The following FEM1B variants were observed in gnomAD, a reference collection of about 807,000 sequenced individuals.
The protein encoded by FEM1B is protein fem-1 homolog B.
A neutral mutation model predicts 38.6 loss-of-function variants in FEM1B; 10 were observed. That is an observed-to-expected ratio of 0.26 (90% CI 0.16 to 0.44). The LOEUF (loss-of-function observed/expected upper bound fraction) is 0.44, where lower values mean the gene tolerates loss of function less well. Among genes scored for constraint, FEM1B ranks in the 20% least tolerant of loss-of-function variants. FEM1B has a pLI of 1.00. For missense variants in FEM1B, 471 were observed against 786.7 expected, an observed-to-expected ratio of 0.60 and a Z score of 4.80; for synonymous variants, 288 against 288.0, an observed-to-expected ratio of 1.00 and a Z score of 0.00.
intron 1 of FEM1B, among the ~76,000 whole-genome samples, chr15:68,286,447 G>C (rs1892788323): frequency 6.6e-6 from 1 of 151,440 alleles, no homozygotes; most frequent in African/African-American, 2.4e-5. Context: ...CCTGATCATG[G>C]CTCATTGTAG....
chr15:68,287,367 G>A (rs1381160167), intron 1 of FEM1B, among the ~76,000 whole-genome samples: 1 of 152,166 alleles, frequency 6.6e-6, no homozygotes, highest in East Asian at 1.9e-4. Context: ...CCATGTGGCT[G>A]CTACCCAGAT....
At position 68,288,663 on chromosome 15, in the gene FEM1B, A is replaced by G. The variant is rs1030921528; in HGVS notation, c.249-944A>G. ...TAAGTATGAAGCCACAAGTCCAGTC[A>G]TGTCAGAGAAGATATCTGCTTGGTT... On this transcript the variant is annotated intron_variant, in intron 1 of 1. Coordinates refer to ENST00000306917, the MANE Select transcript of FEM1B (RefSeq NM_015322.5). This position sits in a 1 kb window ranked among gnomAD's most constrained non-coding sequence, Gnocchi z 4.6. Among the ~76,000 whole-genome samples the G allele has an allele frequency of 6.6e-6, 1 of 152,240 alleles. No individual in the cohort carries two copies. Among genetic ancestry groups the G allele is most frequent in the Non-Finnish European group, 1.5e-5 (1 of 68,036 alleles).
rs1268098527 is a variant in FEM1B, at chr15:68,284,778, A to G, written c.249-4829A>G. Among the ~76,000 whole-genome samples, 1 of 152,062 alleles carries G rather than the reference A, an allele frequency of 6.6e-6. No individual in the cohort carries two copies. Among genetic ancestry groups the G allele is most frequent in the Non-Finnish European group, 1.5e-5 (1 of 68,022 alleles). ...TGAATTCCCACGTGTTGTGGGAGGG[A>G]CCTGGTGGGAGGCAACTGAATCATG... On this transcript the variant is annotated intron_variant, in intron 1 of 1. Coordinates refer to ENST00000306917, the MANE Select transcript of FEM1B (RefSeq NM_015322.5). This position sits in a 1 kb window ranked among gnomAD's most constrained non-coding sequence, Gnocchi z 4.4.
Position 68,289,910 on chromosome 15 carries a change from A to T in FEM1B, c.552A>T (p.Ala184=). The change falls in exon 2 of 2, where the codon GCA becomes GCT. Residue 184 remains alanine (A), a synonymous_variant. Transcript: ENST00000306917. The surrounding 1 kb of genome is among the most constrained non-coding windows in gnomAD (Gnocchi z 6.9). Reference sequence around the variant, plus strand: ...AACGTGCTGATCCCAATGCCAAAGCACATTGTGGAGCCACAGCATTGCACT... The same window carrying T: ...AACGTGCTGATCCCAATGCCAAAGCTCATTGTGGAGCCACAGCATTGCACT... ...LEQRADPNAK[A]HCGATALHFA... is the part of the protein sequence containing the mutation. 6.2e-7 allele frequency: 1 copy of T among 1,614,058 alleles called. No individual in the cohort carries two copies. Among genetic ancestry groups the T allele is most frequent in the Non-Finnish European group, 8.5e-7 (1 of 1,179,948 alleles).
In FEM1B at chr15:68,291,846, T is replaced by TAA. The variant is rs1295568742; in HGVS notation, c.*606_*607dup. ...TAATTTAATAATAGTTACAAATTTA[T>TAA]AAATTTAAATCCATTTGAAATTGTT... On this transcript the variant is annotated 3_prime_UTR_variant, in exon 2 of 2. Coordinates refer to ENST00000306917, the MANE Select transcript of FEM1B (RefSeq NM_015322.5). This position sits in a 1 kb window ranked among gnomAD's most constrained non-coding sequence, Gnocchi z 6.9. 2.0e-5 allele frequency: 3 copies of TAA among 152,268 alleles called. No homozygotes were observed. Among genetic ancestry groups the TAA allele is most frequent in the African/African-American group, 7.2e-5 (3 of 41,472 alleles). 9.4% of individuals were successfully genotyped at this position (152,268 alleles called of 1,614,324 possible).
intron 1 of FEM1B, among the ~76,000 whole-genome samples, chr15:68,286,058 G>GT (rs1011712049): frequency 1.3e-5 from 2 of 148,172 alleles, no homozygotes; most frequent in Non-Finnish European, 3.0e-5. Context: ...TCTAATTTTT[G>GT]TATGTACTGT....
At chr15:68,282,159 T>C (rs1892735738) in intron 1 of FEM1B, among the ~76,000 whole-genome samples, 1 of 152,154 alleles carries the variant, frequency 6.6e-6, no homozygotes, top group South Asian at 2.1e-4. Flanking sequence ...GTCTGACTGC[T>C]CTCTGCCAGA....
rs1054094058 is a variant in FEM1B, at chr15:68,294,563, C to A, written c.*3321C>A. On this transcript the variant is annotated 3_prime_UTR_variant, in exon 2 of 2. Coordinates refer to ENST00000306917, the MANE Select transcript of FEM1B (RefSeq NM_015322.5). The surrounding 1 kb of genome is among the most constrained non-coding windows in gnomAD (Gnocchi z 4.4). Reference sequence around the variant, plus strand: ...GGCAGCTACTTTATGAATAAGACCACTTTGGGTTATTTAAGCAGAAGCGTT... The same window carrying A: ...GGCAGCTACTTTATGAATAAGACCAATTTGGGTTATTTAAGCAGAAGCGTT... The A allele has an allele frequency of 2.6e-5, 4 of 151,394 alleles. No homozygotes were observed. Among genetic ancestry groups the A allele is most frequent in the African/African-American group, 7.3e-5 (3 of 41,214 alleles). 9.4% of individuals were successfully genotyped at this position (151,394 alleles called of 1,614,324 possible).
At chr15:68,285,682 T>G (rs1207043355) in intron 1 of FEM1B, among the ~76,000 whole-genome samples, 1 of 152,122 alleles carries the variant, frequency 6.6e-6, no homozygotes, top group Non-Finnish European at 1.5e-5. Flanking sequence ...TGAAGTATAC[T>G]TGTTCAGTCT....
rs1892885348 is a variant in FEM1B, at chr15:68,294,715, T to G, written c.*3473T>G. 6.6e-6 allele frequency: 1 copy of G among 152,156 alleles called. No homozygotes were observed. Among genetic ancestry groups the G allele is most frequent in the Middle Eastern group, 3.2e-3 (1 of 316 alleles). The allele number at this position is 152,156 out of a possible 1,614,324, so 9.4% of individuals were successfully genotyped here. ...TGAATGAAAGTATAAAGGACTTGTTTTTTATGATAGATTTTCTGTAAGAAT... is the reference window on the plus strand; with the variant it reads ...TGAATGAAAGTATAAAGGACTTGTTGTTTATGATAGATTTTCTGTAAGAAT... On this transcript the variant is annotated 3_prime_UTR_variant, in exon 2 of 2. Transcript: ENST00000306917. This position sits in a 1 kb window ranked among gnomAD's most constrained non-coding sequence, Gnocchi z 4.4.
At chr15:68,285,446 C>T (rs1446265421) in intron 1 of FEM1B, among the ~76,000 whole-genome samples, 2 of 152,172 alleles carry the variant, frequency 1.3e-5, no homozygotes, top group Non-Finnish European at 2.9e-5. Context: ...ATAGTTTCCC[C>T]AAAGTTCAAC....
rs1185770019 is a variant in FEM1B, at chr15:68,284,561, G to A, written c.249-5046G>A. Among the ~76,000 whole-genome samples, 2 of 151,936 alleles carry A rather than the reference G, an allele frequency of 1.3e-5. No homozygotes were observed. Among genetic ancestry groups the A allele is most frequent in the Admixed American group, 6.6e-5 (1 of 15,260 alleles). On this transcript the variant is annotated intron_variant, in intron 1 of 1. Coordinates refer to ENST00000306917, the MANE Select transcript of FEM1B (RefSeq NM_015322.5). The surrounding 1 kb of genome is among the most constrained non-coding windows in gnomAD (Gnocchi z 4.4). ...ATCTAGTAAAGTACATGAATCTTGT[G>A]TACAATACTGTACAATGAATTTTTA... is the stretch of plus-strand genomic sequence containing the variant.
At position 68,290,495 on chromosome 15, in the gene FEM1B, G is replaced by T; in HGVS notation, c.1137G>T (p.Arg379Ser). ...TGCACCTCAGACAAAAAGGTAACAGGAACACCCACAAGGATCTTCTTCGAT... is the reference window on the plus strand; with the variant it reads ...TGCACCTCAGACAAAAAGGTAACAGTAACACCCACAAGGATCTTCTTCGAT... ...HALHLRQKGNRNTHKDLLRFA... is the reference protein window; with the variant it reads ...HALHLRQKGNSNTHKDLLRFA... The change falls in exon 2 of 2, where the codon AGG (arginine) becomes AGT (serine). Residue 379 changes from arginine to serine, a missense_variant. Physicochemically the swap from Arg to Ser is moderately radical, Grantham distance 110. Coordinates refer to ENST00000306917, the MANE Select transcript of FEM1B (RefSeq NM_015322.5). This position sits in a 1 kb window ranked among gnomAD's most constrained non-coding sequence, Gnocchi z 9.7. 1.9e-6 allele frequency: 3 copies of T among 1,614,154 alleles called. No individual in the cohort carries two copies. Among genetic ancestry groups the T allele is most frequent in the Non-Finnish European group, 1.7e-6 (2 of 1,180,022 alleles).
chr15:68,295,677 G>A lies in FEM1B; in HGVS notation c.*4435G>A, dbSNP rs1323347245. ...CTTTAATAAACATAGTAAACTTGCT[G>A]ACTGCACCAGAGGTCCATTAGTGAT... On this transcript the variant is annotated 3_prime_UTR_variant, in exon 2 of 2. Coordinates refer to ENST00000306917, the MANE Select transcript of FEM1B (RefSeq NM_015322.5). 1.3e-5 allele frequency: 2 copies of A among 152,166 alleles called. No homozygotes were observed. Among genetic ancestry groups the A allele is most frequent in the African/African-American group, 2.4e-5 (1 of 41,446 alleles). 9.4% of individuals were successfully genotyped at this position (152,166 alleles called of 1,614,324 possible). A position where few individuals can be genotyped will look rare whatever the true frequency, so the allele number is the denominator to read the frequency against.
rs1892852714 is a variant in FEM1B at position 68,292,051 on chromosome 15, T to G, written c.*809T>G. On this transcript the variant is annotated 3_prime_UTR_variant, in exon 2 of 2. Transcript: ENST00000306917. ...CATGTAAAAATTATGAATGCTGTTT[T>G]CTTATGAAACAAATTGTCACAGTGT... 1 of 152,200 alleles carries G rather than the reference T, an allele frequency of 6.6e-6. No individual in the cohort carries two copies. The highest frequency in any genetic ancestry group is 2.1e-4 in the South Asian group (1 of 4,838). The allele number at this position is 152,200 out of a possible 1,614,324, so 9.4% of individuals were successfully genotyped here.
chr15:68,278,807 T>C lies in FEM1B; in HGVS notation c.248+142T>C. ...TTTGTACCACCTCCTGCCCCACTAA[T>C]GCCCACTTCATCTTCCAGGGCTAAT... On this transcript the variant is annotated intron_variant, in intron 1 of 1. Transcript: ENST00000306917. The surrounding 1 kb of genome is among the most constrained non-coding windows in gnomAD (Gnocchi z 5.7). 3.3e-6 allele frequency: 3 copies of C among 909,908 alleles called. No homozygotes were observed. Among genetic ancestry groups the C allele is most frequent in the Non-Finnish European group, 5.0e-6 (3 of 597,644 alleles). 56.4% of individuals were successfully genotyped at this position (909,908 alleles called of 1,614,324 possible).
In FEM1B at chr15:68,278,357, C is replaced by CCGGGGGCGCACGGCAGCTGCAG. The variant is rs1471515422; in HGVS notation, c.-57_-36dup. ...TTTAAAGCGCTGGCGAACGCGGCCTCCGGGGGCGCACGGCAGCTGCAGCGG... is the reference window on the plus strand; with the variant it reads ...TTTAAAGCGCTGGCGAACGCGGCCTCCGGGGGCGCACGGCAGCTGCAGCGGGGGCGCACGGCAGCTGCAGCGG... On this transcript the variant is annotated 5_prime_UTR_variant, in exon 1 of 2. Transcript: ENST00000306917. This position sits in a 1 kb window ranked among gnomAD's most constrained non-coding sequence, Gnocchi z 5.7. 6 of 1,558,252 alleles carry CCGGGGGCGCACGGCAGCTGCAG rather than the reference C, an allele frequency of 3.9e-6. No individual in the cohort carries two copies. Among genetic ancestry groups the CCGGGGGCGCACGGCAGCTGCAG allele is most frequent in the Non-Finnish European group, 5.2e-6 (6 of 1,151,474 alleles).
chr15:68,283,406 G>A (rs756558254), intron 1 of FEM1B, among the ~76,000 whole-genome samples: 3 of 146,142 alleles, frequency 2.1e-5, no homozygotes, highest in Non-Finnish European at 4.5e-5. Flanking sequence ...GCTCACACCT[G>A]TAATCCCAGC....
rs1242452562 is a variant in FEM1B, at chr15:68,289,023, C to T, written c.249-584C>T. Among the ~76,000 whole-genome samples the T allele has an allele frequency of 6.6e-6, 1 of 152,054 alleles. No homozygotes were observed. The highest frequency in any genetic ancestry group is 1.5e-5 in the Non-Finnish European group (1 of 67,928). The stretch of plus-strand genomic sequence containing the variant: ...GCTGTGTTCATCTGACTTCTTTTCT[C>T]AGCATCAGGTTTATGTTATCTGTTC... On this transcript the variant is annotated intron_variant, in intron 1 of 1. Coordinates refer to ENST00000306917, the MANE Select transcript of FEM1B (RefSeq NM_015322.5). This position sits in a 1 kb window ranked among gnomAD's most constrained non-coding sequence, Gnocchi z 6.9.
Sources: gnomAD v4.1 joint callset for allele counts (sites outside exome capture counted in the v4.1 genomes callset) on GRCh38, gnomAD v4.1.1 for gene constraint, Gnocchi (gnomAD v3.1) non-coding constraint, MANE v1.5 for transcripts, NCBI Gene and HGNC (gene_info 2026-07-23, HGNC 2026-07-21) for gene names.